The following PARD3B variants were observed in gnomAD, a reference collection of about 807,000 sequenced individuals.
PARD3B encodes par-3 family cell polarity regulator beta.
In PARD3B, 103 loss-of-function variants were observed where a neutral mutation model predicts 130.2. The observed-to-expected ratio is 0.79, with a 90% CI of 0.67 to 0.93. The LOEUF is 0.93. Among genes scored for constraint, PARD3B ranks in the 40% least tolerant of loss-of-function variants. The pLI, the probability that PARD3B is intolerant of heterozygous loss-of-function variation, is 0.00. For missense variants in PARD3B, 1,609 were observed against 1,499.2 expected (o/e 1.07, Z -1.21); for synonymous variants, 583 against 553.2 (o/e 1.05, Z -0.76).
intron 21 of PARD3B, among the ~76,000 whole-genome samples, chr2:205,535,364 A>G (rs955283127): frequency 6.6e-6 from 1 of 152,194 alleles, no homozygotes; most frequent in African/African-American, 2.4e-5. Flanking sequence ...TCTCCATGCC[A>G]AAAGAAGATG....
intron 4 of PARD3B, among the ~76,000 whole-genome samples, chr2:205,084,695 T>G (rs1170982743): frequency 1.3e-5 from 2 of 152,036 alleles, no homozygotes; most frequent in Non-Finnish European, 2.9e-5. Flanking sequence ...TGTGCAGTGG[T>G]GAGGTTTTTG....
chr2:204,577,700 G>A (rs1344228959), intron 1 of PARD3B, among the ~76,000 whole-genome samples: 1 of 151,936 alleles, frequency 6.6e-6, no homozygotes, highest in Non-Finnish European at 1.5e-5. Context: ...GCCTCCTAAG[G>A]AGCTGGGACT....
Position 205,440,270 on chromosome 2 carries a change from T to A in PARD3B, c.2742-100T>A. 8.3e-7 allele frequency: 1 copy of A among 1,202,726 alleles called. No individual in the cohort carries two copies. The highest frequency in any genetic ancestry group is 1.2e-6 in the Non-Finnish European group (1 of 851,412). 74.5% of individuals were successfully genotyped at this position (1,202,726 alleles called of 1,614,324 possible). On this transcript the variant is annotated intron_variant, in intron 19 of 22. Transcript: ENST00000406610. This position sits in a 1 kb window ranked among gnomAD's most constrained non-coding sequence, Gnocchi z 4.2. ...CTTGAGTAAACAGGAGAATGACAGC[T>A]AAGAGACGAGGAAGAGTTAACATAA...
chr2:204,950,994 A>G (rs1689720880), intron 2 of PARD3B, among the ~76,000 whole-genome samples: 1 of 152,206 alleles, frequency 6.6e-6, no homozygotes, highest in African/African-American at 2.4e-5. Flanking sequence ...GAGATTTTAT[A>G]TCCTCTAGCC....
At chr2:204,978,644 C>T (rs1479727753) in intron 3 of PARD3B, among the ~76,000 whole-genome samples, 1 of 151,970 alleles carries the variant, frequency 6.6e-6, no homozygotes, top group Non-Finnish European at 1.5e-5. Flanking sequence ...TTTTTTGCCT[C>T]CTCCTTTCCC....
intron 2 of PARD3B, among the ~76,000 whole-genome samples, chr2:204,917,482 A>G (rs76031827): frequency 0.066 from 10,075 of 152,234 alleles, 388 homozygotes; most frequent in Middle Eastern, 0.12. Flanking sequence ...CTGGGCAACT[A>G]GAGGTATGAG....
intron 16 of PARD3B, among the ~76,000 whole-genome samples, chr2:205,260,860 A>G (rs1322879885): frequency 6.6e-6 from 1 of 151,976 alleles, no homozygotes; most frequent in Non-Finnish European, 1.5e-5. Context: ...GTCTTCTACT[A>G]AAGTTGTAGG....
At chr2:204,883,448 T>TCAA (rs2046143727) in intron 2 of PARD3B, among the ~76,000 whole-genome samples, 1 of 106,024 alleles carries the variant, frequency 9.4e-6, no homozygotes, top group African/African-American at 4.7e-5. Context: ...TATATATATA[T>TCAA]ATATATATTT....
chr2:205,062,601 A>AGTGC (rs2125458805), intron 4 of PARD3B, among the ~76,000 whole-genome samples: 1 of 152,324 alleles, frequency 6.6e-6, no homozygotes, highest in South Asian at 2.1e-4. Flanking sequence ...GCAGGCCAGC[A>AGTGC]GTAGCATGTG....
At position 204,996,552 on chromosome 2, in the gene PARD3B, C is replaced by A. The variant is rs1167952413; in HGVS notation, c.394+31229C>A. ...TCTTTTTGTTTGTCTGTGCCCTGCC[C>A]CCAGAGGTGGAGCCTACAGAGGCAG... On this transcript the variant is annotated intron_variant, in intron 3 of 22. Transcript: ENST00000406610. Among the ~76,000 whole-genome samples, 10 of 151,688 alleles carry A rather than the reference C, an allele frequency of 6.6e-5. No homozygotes were observed. The South Asian group carries it at 2.1e-3, about 32-fold the overall frequency.
At chr2:204,655,496 G>A (rs2035610368) in intron 1 of PARD3B, among the ~76,000 whole-genome samples, 1 of 152,078 alleles carries the variant, frequency 6.6e-6, no homozygotes, top group South Asian at 2.1e-4. Flanking sequence ...CCTTGCAAAA[G>A]TTTTAAGTGC....
At chr2:205,425,775 A>G (rs558299923) in intron 19 of PARD3B, among the ~76,000 whole-genome samples, 6 of 152,162 alleles carry the variant, frequency 3.9e-5, no homozygotes, top group Admixed American at 1.3e-4. Context: ...GGATTTAGAG[A>G]AAAAGAACAT....
chr2:204,905,822 C>G (rs944332637), intron 2 of PARD3B, among the ~76,000 whole-genome samples: 1 of 152,014 alleles, frequency 6.6e-6, no homozygotes, highest in African/African-American at 2.4e-5. Flanking sequence ...AAGGGTTAGT[C>G]GGGGGAAAAT....
At chr2:204,898,342 AATT>A (rs1187943786) in intron 2 of PARD3B, among the ~76,000 whole-genome samples, 1 of 151,860 alleles carries the variant, frequency 6.6e-6, no homozygotes, top group African/African-American at 2.4e-5. Flanking sequence ...ATGTATAATA[AATT>A]ATTGTTGATT....
chr2:205,613,279 C>A (rs1182099232), intron 22 of PARD3B, among the ~76,000 whole-genome samples: 1 of 152,172 alleles, frequency 6.6e-6, no homozygotes, highest in East Asian at 1.9e-4. Flanking sequence ...TGCAGAAAAA[C>A]CACATGTTTC....
chr2:204,605,020 T>A (rs2033657303), intron 1 of PARD3B, among the ~76,000 whole-genome samples: 2 of 152,078 alleles, frequency 1.3e-5, no homozygotes, highest in South Asian at 4.1e-4. Context: ...TGCTGGGAAT[T>A]TTTGACAAAG....
chr2:205,258,514 G>T lies in PARD3B; in HGVS notation c.2185+12692G>T, dbSNP rs868380262. On this transcript the variant is annotated intron_variant, in intron 16 of 22. Coordinates refer to ENST00000406610, the MANE Select transcript of PARD3B (RefSeq NM_001302769.2). This position sits in a 1 kb window ranked among gnomAD's most constrained non-coding sequence, Gnocchi z 4.9. ...GAGCTAATCACAGTCTGTAGTAAAT[G>T]TGTGTGCATTTATTGATGTATGTAA... Among the ~76,000 whole-genome samples, 3 of 152,140 alleles carry T rather than the reference G, an allele frequency of 2.0e-5. No homozygotes were observed. Among genetic ancestry groups the T allele is most frequent in the African/African-American group, 7.2e-5 (3 of 41,426 alleles).
chr2:204,609,009 G>A (rs570962024), intron 1 of PARD3B, among the ~76,000 whole-genome samples: 2 of 152,210 alleles, frequency 1.3e-5, no homozygotes, highest in African/African-American at 4.8e-5. Flanking sequence ...TATTGCTCTG[G>A]AGTTATACTC....
chr2:204,545,734 C>T lies in PARD3B; in HGVS notation c.-266C>T. 1 of 193,478 alleles carries T rather than the reference C, an allele frequency of 5.2e-6. No homozygotes were observed. Among genetic ancestry groups the T allele is most frequent in the Non-Finnish European group, 8.0e-6 (1 of 124,504 alleles). 12.0% of individuals were successfully genotyped at this position (193,478 alleles called of 1,614,324 possible). On this transcript the variant is annotated 5_prime_UTR_variant, in exon 1 of 23. Coordinates refer to ENST00000406610, the MANE Select transcript of PARD3B (RefSeq NM_001302769.2). ...GAGCGGGAGGAGGAGGAGGAGGAGC[C>T]GGTGCCGCGGAGCTGCCGCGTCCCG...
Sources: gnomAD v4.1 joint callset for allele counts (sites outside exome capture counted in the v4.1 genomes callset) on GRCh38, gnomAD v4.1.1 for gene constraint, Gnocchi (gnomAD v3.1) non-coding constraint, MANE v1.5 for transcripts, NCBI Gene and HGNC (gene_info 2026-07-23, HGNC 2026-07-21) for gene names.